The following NF1 variants were observed in gnomAD, a reference collection of about 807,000 sequenced individuals.
NF1 encodes neurofibromin.
NF1 carries 122 observed loss-of-function variants against 325.7 expected under a neutral mutation model. The observed-to-expected ratio is 0.37, with a 90% CI of 0.32 to 0.44. NF1 has a LOEUF of 0.44. Among genes scored for constraint, NF1 ranks in the 20% least tolerant of loss-of-function variants. The pLI, the probability that NF1 is intolerant of heterozygous loss-of-function variation, is 1.00. For synonymous variants in NF1, 1,091 were observed against 1,186.0 expected (o/e 0.92, Z 1.65); for missense variants, 2,140 against 3,415.4 (o/e 0.63, Z 9.31).
intron 36 of NF1, among the ~76,000 whole-genome samples, chr17:31,290,692 T>TAC (rs1205650802): frequency 6.6e-6 from 1 of 152,206 alleles, no homozygotes; most frequent in East Asian, 1.9e-4. Context: ...TTATGGCTGA[T>TAC]ACATGTTTCT....
intron 31 of NF1, chr17:31,257,588 A>G (rs911197492): frequency 6.6e-6 from 1 of 152,164 alleles, no homozygotes; most frequent in African/African-American, 2.4e-5. Context: ...AGGCTGGACA[A>G]CCATTTCTTG....
intron 15 of NF1, chr17:31,222,273 A>G: frequency 9.5e-7 from 1 of 1,053,798 alleles, no homozygotes; most frequent in Non-Finnish European, 1.1e-6. Flanking sequence ...AAATTTTGTA[A>G]CAATACTGTT....
At chr17:31,297,583 A>G (rs1228860679) in intron 36 of NF1, 2 of 152,140 alleles carry the variant, frequency 1.3e-5, no homozygotes, top group African/African-American at 4.8e-5. Context: ...TATCCTTTTT[A>G]CATGTTGAAA....
chr17:31,301,264 A>G (rs1028934162), intron 36 of NF1, among the ~76,000 whole-genome samples: 1 of 152,012 alleles, frequency 6.6e-6, no homozygotes, highest in Non-Finnish European at 1.5e-5. Context: ...GAATTTACTC[A>G]TATTTTCTTC....
At chr17:31,280,572 A>C (rs574408001) in intron 36 of NF1, among the ~76,000 whole-genome samples, 5 of 151,884 alleles carry the variant, frequency 3.3e-5, no homozygotes, top group African/African-American at 1.2e-4. Flanking sequence ...GAGGCCATAC[A>C]AAAATAGGTC....
At chr17:31,290,743 C>T (rs1428382913) in intron 36 of NF1, among the ~76,000 whole-genome samples, 1 of 152,170 alleles carries the variant, frequency 6.6e-6, no homozygotes, top group South Asian at 2.1e-4. Flanking sequence ...CGGTGGCTCA[C>T]GCCTGTAATC....
At chr17:31,349,366 C>T in intron 49 of NF1, 115 bp downstream of exon 49, 1 of 1,007,846 alleles carries the variant, frequency 9.9e-7, no homozygotes, top group Non-Finnish European at 1.5e-6. Context: ...AGAAAGTTCA[C>T]AGTCTAGTCC....
intron 24 of NF1, 111 bp from the exon 25 acceptor site, chr17:31,231,962 G>A: frequency 1.5e-6 from 1 of 657,778 alleles, no homozygotes; most frequent in Non-Finnish European, 2.6e-6. Flanking sequence ...AATGAAATAG[G>A]TAGTTCCTAA....
At chr17:31,238,888 G>A (rs1412720095) in intron 29 of NF1, among the ~76,000 whole-genome samples, 1 of 152,174 alleles carries the variant, frequency 6.6e-6, no homozygotes, top group Non-Finnish European at 1.5e-5. Context: ...AGAAATAAGA[G>A]CACTAGAGGA....
chr17:31,370,555 CAG>C (rs1311496957), intron 57 of NF1, among the ~76,000 whole-genome samples: 2 of 152,268 alleles, frequency 1.3e-5, no homozygotes, highest in Non-Finnish European at 2.9e-5. Context: ...CTTCACAAAA[CAG>C]AAAGTGGAAT....
chr17:31,206,449 C>T (rs2143916992), intron 12 of NF1, 78 bp downstream of exon 12: 6 of 1,566,232 alleles, frequency 3.8e-6, no homozygotes, highest in Admixed American at 1.7e-5. Context: ...ATTCCTGCTG[C>T]TTTGGTTATT....
chr17:31,318,686 T>C, intron 36 of NF1: 1 of 1,614,180 alleles, frequency 6.2e-7, no homozygotes. Flanking sequence ...GTGTTTTCAA[T>C]GCTCTGTACT....
At chr17:31,324,547 A>C (rs1042467723) in intron 36 of NF1, among the ~76,000 whole-genome samples, 18 of 152,064 alleles carry the variant, frequency 1.2e-4, no homozygotes, top group Admixed American at 7.2e-4. Flanking sequence ...TCTAATTCTA[A>C]CAATACATAT....
At chr17:31,310,218 A>G (rs1305960797) in intron 36 of NF1, among the ~76,000 whole-genome samples, 1 of 152,184 alleles carries the variant, frequency 6.6e-6, no homozygotes. Context: ...GAGATTTAGA[A>G]TAATATAAAA....
At chr17:31,272,921 C>T (rs927851801) in intron 36 of NF1, among the ~76,000 whole-genome samples, 6 of 152,060 alleles carry the variant, frequency 3.9e-5, no homozygotes, top group Non-Finnish European at 8.8e-5. Context: ...TCTTTGTTGT[C>T]AACATCTGCT....
intron 8 of NF1, among the ~76,000 whole-genome samples, chr17:31,187,695 G>A (rs945833279): frequency 1.3e-5 from 2 of 152,032 alleles, no homozygotes; most frequent in Non-Finnish European, 2.9e-5. Context: ...CAGGATTCCC[G>A]GGTCCAGGAA....
chr17:31,108,669 A>G (rs1397376224), intron 1 of NF1, among the ~76,000 whole-genome samples: 1 of 151,786 alleles, frequency 6.6e-6, no homozygotes, highest in African/African-American at 2.4e-5. Flanking sequence ...CCTGCTCACT[A>G]CCTCTTTATT....
chr17:31,145,948 A>G (rs868009378), intron 1 of NF1, among the ~76,000 whole-genome samples: 1 of 152,210 alleles, frequency 6.6e-6, no homozygotes, highest in Non-Finnish European at 1.5e-5. Flanking sequence ...AACCAAATGG[A>G]CATTTGGATA....
In NF1 at chr17:31,161,144, T is replaced by C. The variant is rs555366289; in HGVS notation, c.289-2042T>C. Among the ~76,000 whole-genome samples the C allele has an allele frequency of 3.1e-3, 474 of 152,330 alleles. 2 individuals are homozygous for C. Among genetic ancestry groups the C allele is most frequent in the African/African-American group, 0.01 (422 of 41,576 alleles). On this transcript the variant is annotated intron_variant, in intron 3 of 57. Transcript: ENST00000358273. ...TAAGTGAAAGAAAAATACTTACCAA[T>C]ATGTTATGAGTGCAATTTTGTAGAA...
Sources: allele counts gnomAD v4.1 joint callset (sites outside exome capture counted in the v4.1 genomes callset), GRCh38; gene constraint gnomAD v4.1.1; transcripts MANE v1.5; gene names NCBI Gene and HGNC (gene_info 2026-07-23, HGNC 2026-07-21).